The following PTPRD variants were observed in gnomAD, a reference collection of about 807,000 sequenced individuals.
PTPRD encodes the protein protein tyrosine phosphatase receptor type D.
A neutral mutation model predicts 214.5 loss-of-function variants in PTPRD; 34 were observed. The ratio of observed to expected loss-of-function variants is 0.16; its 90% CI spans 0.12 to 0.21. The LOEUF (loss-of-function observed/expected upper bound fraction) is 0.21, where lower values mean the gene tolerates loss of function less well. Among genes scored for constraint, PTPRD ranks in the 10% least tolerant of loss-of-function variants. The pLI, the probability that PTPRD is intolerant of heterozygous loss-of-function variation, is 1.00. For missense variants in PTPRD, 2,545 were observed against 2,398.7 expected (o/e 1.06, Z -1.27); for synonymous variants, 1,128 against 845.7 (o/e 1.33, Z -5.79).
chr9:9,629,694 G>A lies in PTPRD; in HGVS notation c.-286-54913C>T, dbSNP rs759080445. Among the ~76,000 whole-genome samples the A allele has an allele frequency of 7.2e-5, 11 of 152,138 alleles. 1 individual carries two copies. Among genetic ancestry groups the A allele is most frequent in the Admixed American group, 3.9e-4 (6 of 15,258 alleles). On this transcript the variant is annotated intron_variant, in intron 7 of 45. Coordinates refer to ENST00000381196, the MANE Select transcript of PTPRD (RefSeq NM_002839.4). ...TGTTGCTGTCTCTATCCCTATGCCCGTGGATGGAAGAGGGTAAGGAGAGAG... is the reference window on the plus strand; with the variant it reads ...TGTTGCTGTCTCTATCCCTATGCCCATGGATGGAAGAGGGTAAGGAGAGAG...
chr9:8,509,911 A>T (rs1404018532), intron 21 of PTPRD, among the ~76,000 whole-genome samples: 1 of 152,160 alleles, frequency 6.6e-6, no homozygotes, highest in Admixed American at 6.5e-5. Context: ...CATCTAATGT[A>T]CAGGGGGTTC....
At chr9:8,384,407 G>C (rs1554833861) in intron 37 of PTPRD, among the ~76,000 whole-genome samples, 1 of 151,454 alleles carries the variant, frequency 6.6e-6, no homozygotes, top group Non-Finnish European at 1.5e-5. Context: ...GGAAACTAGG[G>C]AAAAAAAACC....
intron 7 of PTPRD, among the ~76,000 whole-genome samples, chr9:9,656,847 G>T (rs2096527654): frequency 6.6e-6 from 1 of 151,804 alleles, no homozygotes; most frequent in Non-Finnish European, 1.5e-5. Context: ...TAGTGGGAAA[G>T]GTTGTAGGTG....
At chr9:8,937,950 T>C (rs1377862399) in intron 11 of PTPRD, among the ~76,000 whole-genome samples, 105 of 152,340 alleles carry the variant, frequency 6.9e-4, no homozygotes, top group Non-Finnish European at 3.1e-4. Flanking sequence ...GTTCCCACTA[T>C]GTGTCAATTT....
At chr9:9,463,719 C>T (rs1268340287) in intron 8 of PTPRD, among the ~76,000 whole-genome samples, 1 of 151,888 alleles carries the variant, frequency 6.6e-6, no homozygotes, top group Admixed American at 6.6e-5. Context: ...GGGCATTGGG[C>T]TTCTAGTGTA....
intron 12 of PTPRD, among the ~76,000 whole-genome samples, chr9:8,668,879 C>T (rs767293693): frequency 7.1e-4 from 108 of 152,262 alleles, no homozygotes; most frequent in Non-Finnish European, 1.2e-3. Context: ...AAGCCAGAAG[C>T]TTGTGGGAAC....
intron 33 of PTPRD, among the ~76,000 whole-genome samples, chr9:8,455,453 A>C (rs1315461340): frequency 1.3e-5 from 2 of 152,200 alleles, no homozygotes; most frequent in East Asian, 3.8e-4. Context: ...GAAAACAATT[A>C]ATCTAAAAAT....
chr9:8,969,707 G>A (rs930441352), intron 11 of PTPRD, among the ~76,000 whole-genome samples: 28 of 152,014 alleles, frequency 1.8e-4, no homozygotes, highest in African/African-American at 6.0e-4. Flanking sequence ...TGGATGGATC[G>A]ATGGGTAAAT....
intron 10 of PTPRD, among the ~76,000 whole-genome samples, chr9:9,161,709 A>C (rs1205600045): frequency 1.3e-5 from 2 of 152,090 alleles, no homozygotes; most frequent in African/African-American, 4.8e-5. Context: ...GTACATTGAC[A>C]TCTGTGGCAA....
chr9:9,935,603 C>T (rs1329799105), intron 5 of PTPRD, among the ~76,000 whole-genome samples: 8 of 151,154 alleles, frequency 5.3e-5, no homozygotes, highest in Non-Finnish European at 1.2e-4. Context: ...AAGAACATTC[C>T]ATGCTCATGG....
intron 9 of PTPRD, among the ~76,000 whole-genome samples, chr9:9,209,492 T>C (rs2099947160): frequency 6.6e-6 from 1 of 152,220 alleles, no homozygotes; most frequent in Admixed American, 6.5e-5. Flanking sequence ...AAAGAGTTAT[T>C]GTTAATTAAT....
intron 14 of PTPRD, among the ~76,000 whole-genome samples, chr9:8,589,996 G>A (rs779598968): frequency 2.6e-5 from 4 of 152,132 alleles, no homozygotes; most frequent in Non-Finnish European, 4.4e-5. Flanking sequence ...ACTGAACCTC[G>A]GTAACAAAGA....
intron 11 of PTPRD, among the ~76,000 whole-genome samples, chr9:8,793,241 A>G (rs12346651): frequency 0.051 from 7,698 of 151,918 alleles, 598 homozygotes; most frequent in African/African-American, 0.17. Flanking sequence ...TTTGGCTCTT[A>G]CTCTCTCTTC....
chr9:9,843,761 T>C (rs1465568424), intron 5 of PTPRD, among the ~76,000 whole-genome samples: 1 of 151,976 alleles, frequency 6.6e-6, no homozygotes, highest in South Asian at 2.1e-4. Flanking sequence ...AGATATAAAT[T>C]GCTGATTAAA....
chr9:9,803,882 A>G (rs2099057076), intron 5 of PTPRD: 1 of 152,052 alleles, frequency 6.6e-6, no homozygotes, highest in African/African-American at 2.4e-5. Flanking sequence ...TAGTTTTACA[A>G]TACACAAGAG....
At chr9:9,231,808 T>C (rs2099963296) in intron 9 of PTPRD, among the ~76,000 whole-genome samples, 2 of 152,166 alleles carry the variant, frequency 1.3e-5, no homozygotes, top group African/African-American at 2.4e-5. Context: ...GGTATACATG[T>C]GCCATGTTGG....
At chr9:9,702,126 A>AAG (rs879909244) in intron 7 of PTPRD, among the ~76,000 whole-genome samples, 11 of 151,172 alleles carry the variant, frequency 7.3e-5, no homozygotes, top group South Asian at 2.1e-4. Flanking sequence ...TCTCAAAAGA[A>AAG]AGAGAGAGAG....
intron 9 of PTPRD, among the ~76,000 whole-genome samples, chr9:9,335,806 G>A (rs1181760777): frequency 1.3e-5 from 2 of 152,008 alleles, no homozygotes; most frequent in African/African-American, 4.8e-5. Context: ...AAACGTAGAT[G>A]TCTAAACTTC....
chr9:9,302,763 A>T (rs1469915377), intron 9 of PTPRD, among the ~76,000 whole-genome samples: 1 of 151,130 alleles, frequency 6.6e-6, no homozygotes, highest in African/African-American at 2.4e-5. Context: ...TCCTCATAGC[A>T]GTTCCTCATT....
Sources: allele counts gnomAD v4.1 joint callset (sites outside exome capture counted in the v4.1 genomes callset), GRCh38; gene constraint gnomAD v4.1.1; transcripts MANE v1.5; gene names NCBI Gene and HGNC (gene_info 2026-07-23, HGNC 2026-07-21).